The following MATN2 variants were observed in gnomAD, a reference collection of about 807,000 sequenced individuals.
MATN2 encodes the protein matrilin-2.
Under a neutral mutation model 103.2 loss-of-function variants are expected in MATN2, and 69 were observed. The observed-to-expected ratio is 0.67, with a 90% CI of 0.55 to 0.82. The LOEUF (loss-of-function observed/expected upper bound fraction) is 0.82, where lower values mean the gene tolerates loss of function less well. Among genes scored for constraint, MATN2 ranks in the 40% least tolerant of loss-of-function variants. MATN2 has a pLI of 0.00. For synonymous variants in MATN2, 429 were observed against 450.2 expected (o/e 0.95, Z 0.60); for missense variants, 1,023 against 1,211.5 (o/e 0.84, Z 2.31).
intron 2 of MATN2, among the ~76,000 whole-genome samples, chr8:97,900,285 G>A (rs1283746579): frequency 1.3e-5 from 2 of 152,220 alleles, no homozygotes; most frequent in African/African-American, 4.8e-5. Context: ...CAAAGAGGAA[G>A]GCTGGTTGGC....
chr8:97,968,669 T>G (rs939943322), intron 5 of MATN2, among the ~76,000 whole-genome samples: 2 of 152,230 alleles, frequency 1.3e-5, no homozygotes, highest in Non-Finnish European at 2.9e-5. Context: ...AATAAATTCT[T>G]CATTTCTATC....
intron 6 of MATN2, 142 bp from the exon 7 acceptor site, chr8:97,994,338 T>G: frequency 1.3e-6 from 1 of 795,976 alleles, no homozygotes; most frequent in South Asian, 1.9e-5. Context: ...GAAGTAGCTT[T>G]ATTGGGAGAC....
In MATN2 at chr8:98,016,456, T is replaced by C. The variant is rs1362087128; in HGVS notation, c.1574-84T>C. On this transcript the variant is annotated intron_variant, in intron 10 of 18. Coordinates refer to ENST00000254898, the MANE Select transcript of MATN2 (RefSeq NM_002380.5). ...AGGCACTGTTTTAATTCAAAGTGTC[T>C]GAAATGTCTTTTATGATTGAATAAG... is the stretch of plus-strand genomic sequence containing the variant. 10 of 1,241,342 alleles carry C rather than the reference T, an allele frequency of 8.1e-6. No homozygotes were observed. In the East Asian group the frequency reaches 2.3e-4, roughly 28 times the overall value. 76.9% of individuals were successfully genotyped at this position (1,241,342 alleles called of 1,614,324 possible).
Position 98,035,706 on chromosome 8 carries a change from C to G in MATN2, c.2865C>G (p.Tyr955Ter), listed in dbSNP as rs1218169452. ...RMEALENRLR[Y>*]R ...AAGCCCTGGAAAATCGCCTGAGATA[C>G]AGATGAAGATTAGAAATCGCGACAC... is the stretch of plus-strand genomic sequence containing the variant. The change falls in exon 19 of 19, where the codon TAC becomes TAG. Residue 955 changes from tyrosine (Y) to a stop codon, truncating the protein, a stop_gained. Transcript: ENST00000254898. LOFTEE classifies it high-confidence loss of function. 31 of 1,595,424 alleles carry G rather than the reference C, an allele frequency of 1.9e-5. No homozygotes were observed. Among genetic ancestry groups the G allele is most frequent in the Non-Finnish European group, 2.6e-5 (30 of 1,167,776 alleles).
rs746859677 is a variant in MATN2, at chr8:98,021,140, A to G, written c.1820-65A>G. ...GATTACTTCCACAATCTCTACTCAC[A>G]TGACTATTCAATTCACCTCATTTCT... On this transcript the variant is annotated intron_variant, in intron 12 of 18. Transcript: ENST00000254898. 1.3e-5 allele frequency: 19 copies of G among 1,512,544 alleles called. 1 individual carries two copies. The highest frequency in any genetic ancestry group is 2.3e-5 in the South Asian group (2 of 85,158). 93.7% of individuals were successfully genotyped at this position (1,512,544 alleles called of 1,614,324 possible).
chr8:97,986,578 T>A (rs2444868), intron 6 of MATN2, among the ~76,000 whole-genome samples: 150,841 of 152,252 alleles, frequency 0.99, 74,752 homozygotes, highest in Middle Eastern at 1. Context: ...ATGGTCTCCA[T>A]CTCCATCTAG....
intron 10 of MATN2, among the ~76,000 whole-genome samples, chr8:98,011,894 C>T (rs1813176974): frequency 6.6e-6 from 1 of 152,144 alleles, no homozygotes; most frequent in Non-Finnish European, 1.5e-5. Flanking sequence ...AGACAGGGAC[C>T]CTAAAGACCC....
chr8:97,873,659 C>T (rs1394863317), intron 1 of MATN2, among the ~76,000 whole-genome samples: 1 of 152,154 alleles, frequency 6.6e-6, no homozygotes, highest in Non-Finnish European at 1.5e-5. Context: ...ACCAAAAGCT[C>T]AAGACCAGAG....
chr8:98,023,783 T>TCAA (rs199581119), intron 13 of MATN2, among the ~76,000 whole-genome samples: 4,629 of 152,122 alleles, frequency 0.03, 203 homozygotes, highest in African/African-American at 0.1. Flanking sequence ...AGACATGGAA[T>TCAA]CAACCCAAAA....
chr8:97,941,466 C>T (rs1810564071), intron 3 of MATN2, among the ~76,000 whole-genome samples: 1 of 152,188 alleles, frequency 6.6e-6, no homozygotes, highest in South Asian at 2.1e-4. Context: ...TCTGATTCCC[C>T]AGCCCACCAC....
intron 12 of MATN2, 44 bp downstream of exon 12, chr8:98,018,160 TCAGA>T (rs1813439141): frequency 3.7e-6 from 6 of 1,610,654 alleles, no homozygotes; most frequent in African/African-American, 1.3e-5. Context: ...CTCTGTGGAC[TCAGA>T]CAGTTAGAGA....
intron 7 of MATN2, among the ~76,000 whole-genome samples, chr8:97,997,937 G>A (rs1351054608): frequency 1.3e-5 from 2 of 150,052 alleles, no homozygotes; most frequent in Non-Finnish European, 3.0e-5. Context: ...GTCTCACTTC[G>A]GCCTCCCTAG....
intron 1 of MATN2, among the ~76,000 whole-genome samples, chr8:97,874,363 A>C (rs1817993428): frequency 1.3e-5 from 2 of 149,714 alleles, no homozygotes; most frequent in Admixed American, 1.3e-4. Flanking sequence ...TCTCACTGCC[A>C]CACCTCAGAT....
intron 15 of MATN2, chr8:98,032,023 C>A: frequency 2.7e-6 from 1 of 375,910 alleles, no homozygotes. Context: ...TTAAGATGTA[C>A]TTAGGGGGTC....
rs1554613598 is a variant in MATN2 at position 98,000,604 on chromosome 8, A to AAAAAAAAAAAAAAAAG, written c.1205-3051_1205-3050insAAAAAAAAAGAAAAAA. Among the ~76,000 whole-genome samples the AAAAAAAAAAAAAAAAG allele has an allele frequency of 3.0e-3, 380 of 127,170 alleles. 5 individuals carry two copies. Among genetic ancestry groups the AAAAAAAAAAAAAAAAG allele is most frequent in the Non-Finnish European group, 4.5e-3 (270 of 59,892 alleles). 83.4% of individuals were successfully genotyped at this position (127,170 alleles called of 152,430 possible). ...AGAGCGAGACTCCGTCTCAAAAAAA[A>AAAAAAAAAAAAAAAAG]AAAAAAGAAATATGGTTAACAATCA... On this transcript the variant is annotated intron_variant, in intron 7 of 18. Transcript: ENST00000254898.
chr8:97,974,796 A>T (rs1351625376), intron 5 of MATN2, among the ~76,000 whole-genome samples: 2 of 152,230 alleles, frequency 1.3e-5, no homozygotes, highest in Admixed American at 6.5e-5. Flanking sequence ...TGTACAAATG[A>T]CACATACAGG....
At chr8:97,981,650 C>A (rs961824657) in intron 6 of MATN2, among the ~76,000 whole-genome samples, 5 of 152,166 alleles carry the variant, frequency 3.3e-5, no homozygotes, top group South Asian at 4.1e-4. Flanking sequence ...AGGTGAGATG[C>A]TGCCTTGCAG....
Position 98,027,494 on chromosome 8 carries a change from T to C in MATN2, c.2021T>C (p.Val674Ala). The C allele has an allele frequency of 6.2e-7, 1 of 1,613,952 alleles. No homozygotes were observed. The highest frequency in any genetic ancestry group is 8.5e-7 in the Non-Finnish European group (1 of 1,179,878). The part of the protein sequence containing the change: ...KSLGEENFEV[V>A]KQFVTGIIDS... The stretch of plus-strand genomic sequence containing the variant: ...CTTGGAGAAGAGAATTTTGAGGTCG[T>C]GAAGCAGTTTGTCACTGGAATTATA... The change falls in exon 14 of 19, where the codon GTG becomes GCG. Residue 674 changes from valine to alanine, a missense_variant. By Grantham distance (64) the Val-to-Ala change is moderately conservative. Coordinates refer to ENST00000254898, the MANE Select transcript of MATN2 (RefSeq NM_002380.5).
At chr8:97,925,375 T>A (rs1809959183) in intron 2 of MATN2, among the ~76,000 whole-genome samples, 1 of 152,018 alleles carries the variant, frequency 6.6e-6, no homozygotes, top group Non-Finnish European at 1.5e-5. Context: ...ATGGAGTCAT[T>A]CTCAGGCCAT....
Sources: allele counts gnomAD v4.1 joint callset (sites outside exome capture counted in the v4.1 genomes callset), GRCh38; gene constraint gnomAD v4.1.1; transcripts MANE v1.5; gene names NCBI Gene and HGNC (gene_info 2026-07-23, HGNC 2026-07-21).